Variants in KIAA1671 observed in about 807,000 individuals in gnomAD.
KIAA1671 encodes the protein KIAA1671.
In KIAA1671, 52 loss-of-function variants were observed where a neutral mutation model predicts 131.2. The ratio of observed to expected loss-of-function variants is 0.40; its 90% CI spans 0.32 to 0.50. The LOEUF (loss-of-function observed/expected upper bound fraction) is 0.50, where lower values mean the gene tolerates loss of function less well. Ranked by LOEUF, KIAA1671 falls within the 20% of genes least tolerant of loss-of-function variation. KIAA1671 has a pLI of 0.73. For synonymous variants in KIAA1671, 1,003 were observed against 961.6 expected (o/e 1.04, Z -0.80); for missense variants, 2,360 against 2,364.2 (o/e 1.00, Z 0.04).
At chr22:25,015,434 A>G (rs1236811912) in intron 1 of KIAA1671, among the ~76,000 whole-genome samples, 1 of 152,128 alleles carries the variant, frequency 6.6e-6, no homozygotes, top group African/African-American at 2.4e-5. Flanking sequence ...GTGAGTGGTC[A>G]GCCAGTCCAA....
intron 6 of KIAA1671, among the ~76,000 whole-genome samples, chr22:25,117,588 CA>C (rs1368145380): frequency 3.5e-4 from 21 of 59,652 alleles, no homozygotes; most frequent in African/African-American, 4.2e-4. Flanking sequence ...CCCCCAACCA[CA>C]CACACACACA....
intron 6 of KIAA1671, among the ~76,000 whole-genome samples, chr22:25,166,169 G>T (rs137911459): frequency 6.6e-6 from 1 of 152,212 alleles, no homozygotes; most frequent in Non-Finnish European, 1.5e-5. Context: ...AATGTTGTTC[G>T]AGAAAGAGAC....
intron 1 of KIAA1671, among the ~76,000 whole-genome samples, chr22:25,019,257 A>C (rs1602071348): frequency 6.6e-6 from 1 of 151,746 alleles, no homozygotes; most frequent in African/African-American, 2.4e-5. Context: ...AAGTCACAGC[A>C]CTCCTCCAGC....
At chr22:25,187,401 G>A (rs996435818) in intron 11 of KIAA1671, among the ~76,000 whole-genome samples, 2 of 152,134 alleles carry the variant, frequency 1.3e-5, no homozygotes, top group East Asian at 1.9e-4. Flanking sequence ...CGACGTTTGC[G>A]TAGTTTGATT....
At chr22:25,171,387 G>C (rs907960413) in intron 7 of KIAA1671, among the ~76,000 whole-genome samples, 9 of 151,722 alleles carry the variant, frequency 5.9e-5, no homozygotes, top group African/African-American at 2.2e-4. Context: ...CTGGGGGACA[G>C]AGCAAGACTC....
At chr22:24,986,878 T>G (rs1923574176) in intron 1 of KIAA1671, among the ~76,000 whole-genome samples, 1 of 151,942 alleles carries the variant, frequency 6.6e-6, no homozygotes, top group South Asian at 2.1e-4. Flanking sequence ...CAAAGCCCCT[T>G]GCCCTCTGGA....
At chr22:25,175,202 C>G (rs536324127) in intron 8 of KIAA1671, 4 of 152,208 alleles carry the variant, frequency 2.6e-5, no homozygotes, top group African/African-American at 9.6e-5. Flanking sequence ...CTTTTCAACC[C>G]TTGAAACCCA....
At position 24,971,110 on chromosome 22, in the gene KIAA1671, C is replaced by T. The variant is rs1010449121; in HGVS notation, c.-208+18338C>T. On this transcript the variant is annotated intron_variant, in intron 1 of 12. Coordinates refer to ENST00000358431, the MANE Select transcript of KIAA1671 (RefSeq NM_001145206.2). ...GTAATGGGATTACAGGCACGTGCCACCATGCCCAGCTAATTTTGTATTTTT... is the reference window on the plus strand; with the variant it reads ...GTAATGGGATTACAGGCACGTGCCATCATGCCCAGCTAATTTTGTATTTTT... 2.6e-5 allele frequency among the ~76,000 whole-genome samples: 4 copies of T among 152,302 alleles called. No individual in the cohort carries two copies. In the South Asian group the frequency reaches 8.3e-4, roughly 32 times the overall value.
chr22:24,972,881 A>G, intron 1 of KIAA1671, among the ~76,000 whole-genome samples: 1 of 152,230 alleles, frequency 6.6e-6, no homozygotes, highest in East Asian at 1.9e-4. Flanking sequence ...TGGTGAAAAT[A>G]AAAGAAGGTA....
chr22:25,100,800 C>A (rs940633102), intron 6 of KIAA1671, among the ~76,000 whole-genome samples: 10 of 152,128 alleles, frequency 6.6e-5, no homozygotes, highest in Non-Finnish European at 1.2e-4. Flanking sequence ...TGCTATAGTA[C>A]CTGGTTCATA....
At chr22:25,104,465 G>T (rs1293793560) in intron 6 of KIAA1671, among the ~76,000 whole-genome samples, 1 of 152,172 alleles carries the variant, frequency 6.6e-6, no homozygotes, top group Non-Finnish European at 1.5e-5. Context: ...TGTAGGCAGG[G>T]ATGCCACATG....
intron 6 of KIAA1671, among the ~76,000 whole-genome samples, chr22:25,155,528 TGTC>T (rs932356987): frequency 1.5e-4 from 23 of 151,762 alleles, no homozygotes; most frequent in African/African-American, 4.6e-4. Flanking sequence ...GTTTTTGTGT[TGTC>T]TATTTTTTGT....
intron 1 of KIAA1671, among the ~76,000 whole-genome samples, chr22:24,991,009 CCTTT>C (rs1042332547): frequency 6.6e-6 from 1 of 151,940 alleles, no homozygotes; most frequent in African/African-American, 2.4e-5. Context: ...AGGAAGGGAC[CCTTT>C]CTTCTTTAAT....
chr22:24,995,224 G>A (rs1330711747), intron 1 of KIAA1671, among the ~76,000 whole-genome samples: 1 of 151,522 alleles, frequency 6.6e-6, no homozygotes, highest in South Asian at 2.1e-4. Flanking sequence ...CTAATTTTTT[G>A]TATTTTTTTA....
At chr22:25,103,304 A>T (rs1233380560) in intron 6 of KIAA1671, among the ~76,000 whole-genome samples, 5 of 147,950 alleles carry the variant, frequency 3.4e-5, no homozygotes. Context: ...TCTGCCTCCC[A>T]GGTTCAAGCG....
At chr22:24,992,844 T>C (rs1369544041) in intron 1 of KIAA1671, among the ~76,000 whole-genome samples, 1 of 97,628 alleles carries the variant, frequency 1.0e-5, no homozygotes, top group African/African-American at 3.7e-5. Flanking sequence ...AAAAAGACAA[T>C]GCCAAGTGCT....
In KIAA1671 at chr22:25,105,828, G is replaced by GA. The variant is rs1489758424; in HGVS notation, c.4530+56464_4530+56465insA. On this transcript the variant is annotated intron_variant, in intron 6 of 12. Transcript: ENST00000358431. ...GTCACAGGTATGAAGTTGGGGGGGGGGGGTGCCAAACTCCACCACTTAATA... is the reference window on the plus strand; with the variant it reads ...GTCACAGGTATGAAGTTGGGGGGGGGAGGGTGCCAAACTCCACCACTTAATA... 3.8e-4 allele frequency among the ~76,000 whole-genome samples: 58 copies of GA among 151,566 alleles called. No individual in the cohort carries two copies. In the East Asian group the frequency reaches 0.011, roughly 29 times the overall value.
intron 1 of KIAA1671, among the ~76,000 whole-genome samples, chr22:24,959,967 GTC>G (rs1296804763): frequency 5.3e-5 from 8 of 150,554 alleles, no homozygotes; most frequent in African/African-American, 2.0e-4. Flanking sequence ...GTGAAACCCC[GTC>G]TCTACTAAAA....
intron 8 of KIAA1671, chr22:25,175,497 T>G (rs888480822): frequency 6.6e-6 from 1 of 152,018 alleles, no homozygotes; most frequent in Non-Finnish European, 1.5e-5. Context: ...ACAAGTTGAG[T>G]CTTGATTGGG....
Sources: gnomAD v4.1 joint callset for allele counts (sites outside exome capture counted in the v4.1 genomes callset) on GRCh38, gnomAD v4.1.1 for gene constraint, MANE v1.5 for transcripts, NCBI Gene and HGNC (gene_info 2026-07-23, HGNC 2026-07-21) for gene names.